Variants in KIAA0825 observed in about 807,000 individuals in gnomAD.
The protein encoded by KIAA0825 is KIAA0825.
KIAA0825 carries 119 observed loss-of-function variants against 147.6 expected under a neutral mutation model. That is an observed-to-expected ratio of 0.81 (90% CI 0.69 to 0.94). KIAA0825 has a LOEUF of 0.94. Ranked by LOEUF, KIAA0825 falls within the 40% of genes least tolerant of loss-of-function variation. The pLI, the probability that KIAA0825 is intolerant of heterozygous loss-of-function variation, is 0.00. For missense variants in KIAA0825, 1,381 were observed against 1,472.7 expected (o/e 0.94, Z 1.02); for synonymous variants, 470 against 518.1 (o/e 0.91, Z 1.26).
chr5:94,384,526 A>G, intron 19 of KIAA0825, 68 bp from the exon 20 acceptor site: 1 of 1,308,400 alleles, frequency 7.6e-7, no homozygotes, highest in Admixed American at 2.0e-5. Flanking sequence ...TCAGTAAATT[A>G]AAGCTCCAGC....
chr5:94,290,126 T>C (rs780860574), intron 20 of KIAA0825, among the ~76,000 whole-genome samples: 2 of 152,096 alleles, frequency 1.3e-5, no homozygotes, highest in African/African-American at 2.4e-5. Context: ...AGTAGGTACA[T>C]TCTTGGTAGA....
intron 2 of KIAA0825, among the ~76,000 whole-genome samples, chr5:94,564,384 TTG>T (rs139331057): frequency 8.8e-5 from 7 of 79,174 alleles, no homozygotes; most frequent in Admixed American, 2.2e-4. Context: ...ATTTTTGAAT[TTG>T]TGTGTGTGTG....
intron 5 of KIAA0825, among the ~76,000 whole-genome samples, chr5:94,511,455 T>A (rs1766460976): frequency 6.6e-6 from 1 of 152,094 alleles, no homozygotes; most frequent in Admixed American, 6.5e-5. Context: ...ACCCCTTCTC[T>A]ACTAAAAATA....
At chr5:94,513,332 T>C (rs971546698) in intron 5 of KIAA0825, among the ~76,000 whole-genome samples, 2 of 152,166 alleles carry the variant, frequency 1.3e-5, no homozygotes, top group African/African-American at 2.4e-5. Context: ...AACTGACCTA[T>C]GACCTTTCCT....
chr5:94,495,493 T>C (rs1445136498), intron 5 of KIAA0825, among the ~76,000 whole-genome samples: 1 of 152,196 alleles, frequency 6.6e-6, no homozygotes, highest in African/African-American at 2.4e-5. Context: ...TTTGTGCCTG[T>C]CATGCACAAG....
At chr5:94,390,110 A>ATAAC (rs1166323304) in intron 18 of KIAA0825, among the ~76,000 whole-genome samples, 2 of 152,238 alleles carry the variant, frequency 1.3e-5, no homozygotes, top group African/African-American at 4.8e-5. Context: ...TTTCCAGAGT[A>ATAAC]TAACCGGATA....
intron 14 of KIAA0825, among the ~76,000 whole-genome samples, chr5:94,434,044 A>C (rs1756031610): frequency 6.6e-6 from 1 of 152,186 alleles, no homozygotes; most frequent in Non-Finnish European, 1.5e-5. Context: ...CAATAATTCA[A>C]AATAGTGTCT....
At chr5:94,368,053 A>C (rs1042930572) in intron 20 of KIAA0825, among the ~76,000 whole-genome samples, 14 of 152,234 alleles carry the variant, frequency 9.2e-5, no homozygotes, top group Non-Finnish European at 1.8e-4. Flanking sequence ...TAGAACACCC[A>C]TTGTAAATAT....
At chr5:94,301,693 G>A (rs1160062032) in intron 20 of KIAA0825, among the ~76,000 whole-genome samples, 1 of 152,072 alleles carries the variant, frequency 6.6e-6, no homozygotes, top group African/African-American at 2.4e-5. Context: ...GGAAAGAAGA[G>A]GCATGTGTGT....
chr5:94,174,774 G>A (rs369722138), intron 20 of KIAA0825, among the ~76,000 whole-genome samples: 10 of 151,984 alleles, frequency 6.6e-5, no homozygotes, highest in Admixed American at 2.6e-4. Flanking sequence ...AGTCCATTCC[G>A]TTTGATTTAT....
intron 20 of KIAA0825, among the ~76,000 whole-genome samples, chr5:94,203,174 G>A (rs1347072655): frequency 3.9e-5 from 6 of 152,198 alleles, no homozygotes; most frequent in Non-Finnish European, 8.8e-5. Flanking sequence ...TCGGTTTACA[G>A]AAATAGCTAG....
At position 94,464,869 on chromosome 5, in the gene KIAA0825, C is replaced by T; in HGVS notation, c.2063G>A (p.Arg688Lys). The change falls in exon 11 of 21, where the codon AGA becomes AAA. Residue 688 changes from arginine (R) to lysine (K), a missense_variant and splice_region_variant. Arg to Lys is a conservative substitution (Grantham distance 26). Coordinates refer to ENST00000682413, the MANE Select transcript of KIAA0825 (RefSeq NM_001145678.3). ...HPSRKRTPQL[R>K]LDVTTILICT... Reference sequence around the variant, plus strand: ...CAATGTTTTTCAGAACTTCAATTACCTTAACTGTGGAGTTCTTTTACGGCT... The same window carrying T: ...CAATGTTTTTCAGAACTTCAATTACTTTAACTGTGGAGTTCTTTTACGGCT... 6.5e-7 allele frequency: 1 copy of T among 1,548,386 alleles called. No individual in the cohort carries two copies. Among genetic ancestry groups the T allele is most frequent in the Admixed American group, 2.0e-5 (1 of 50,096 alleles).
At chr5:94,520,168 C>A (rs1294812770) in intron 5 of KIAA0825, 80 bp downstream of exon 5, 1 of 1,384,980 alleles carries the variant, frequency 7.2e-7, no homozygotes, top group Non-Finnish European at 9.4e-7. Flanking sequence ...TGAGATTTAA[C>A]CAAATAGAAA....
intron 20 of KIAA0825, among the ~76,000 whole-genome samples, chr5:94,229,895 A>G (rs1436578256): frequency 1.3e-4 from 20 of 152,134 alleles, no homozygotes; most frequent in Non-Finnish European, 1.5e-4. Flanking sequence ...CATTAGTGAT[A>G]CTGTATCTCT....
intron 3 of KIAA0825, 128 bp downstream of exon 3, chr5:94,536,868 T>C: frequency 1.6e-6 from 1 of 606,092 alleles, no homozygotes; most frequent in Non-Finnish European, 2.8e-6. Flanking sequence ...GTCTAATCAA[T>C]ATTTTGGGGG....
Position 94,462,942 on chromosome 5 carries a change from T to C in KIAA0825, c.2064-373A>G, listed in dbSNP as rs142213500. 4.4e-3 allele frequency among the ~76,000 whole-genome samples: 668 copies of C among 151,956 alleles called. 12 individuals carry two copies. In the Middle Eastern group the frequency reaches 0.068, roughly 15 times the overall value. ...AAAAATTTGCTATTATCCATGTATATGTATGATAGGTTAAAATTTCATAGC... is the reference window on the plus strand; with the variant it reads ...AAAAATTTGCTATTATCCATGTATACGTATGATAGGTTAAAATTTCATAGC... On this transcript the variant is annotated intron_variant, in intron 11 of 20. Transcript: ENST00000682413.
chr5:94,548,542 TA>T, intron 2 of KIAA0825, among the ~76,000 whole-genome samples: 1 of 152,072 alleles, frequency 6.6e-6, no homozygotes, highest in African/African-American at 2.4e-5. Flanking sequence ...AACAATAAAA[TA>T]GCAAGAGTAA....
intron 12 of KIAA0825, among the ~76,000 whole-genome samples, chr5:94,461,261 T>C (rs1437217286): frequency 1.3e-5 from 2 of 151,980 alleles, no homozygotes; most frequent in East Asian, 1.9e-4. Context: ...TTGCTCACCA[T>C]GACCAATCCA....
At chr5:94,367,367 G>A (rs754835370) in intron 20 of KIAA0825, among the ~76,000 whole-genome samples, 3 of 151,960 alleles carry the variant, frequency 2.0e-5, no homozygotes, top group East Asian at 1.9e-4. Flanking sequence ...ACGTGGTGGC[G>A]GGCGCCTGTA....
Sources: allele counts gnomAD v4.1 joint callset (sites outside exome capture counted in the v4.1 genomes callset), GRCh38; gene constraint gnomAD v4.1.1; transcripts MANE v1.5; gene names NCBI Gene and HGNC (gene_info 2026-07-23, HGNC 2026-07-21).